CENPP: variants seen among roughly 807,000 people sequenced by gnomAD.
The protein encoded by CENPP is centromere protein P.
A neutral mutation model predicts 35.6 loss-of-function variants in CENPP; 24 were observed. The observed-to-expected ratio is 0.67, with a 90% confidence interval of 0.49 to 0.95. CENPP has a LOEUF of 0.95. CENPP is among the 40% of genes least tolerant of loss of function. The pLI is 0.00. For synonymous variants in CENPP, 120 were observed against 125.5 expected (o/e 0.96, Z 0.29); for missense variants, 332 against 345.3 (o/e 0.96, Z 0.31).
At chr9:92,530,998 GT>G (rs1848715443) in intron 5 of CENPP, among the ~76,000 whole-genome samples, 1 of 151,984 alleles carries the variant, frequency 6.6e-6, no homozygotes, top group Non-Finnish European at 1.5e-5. Context: ...CAAAATATAT[GT>G]TTTGCTGTCT....
intron 5 of CENPP, among the ~76,000 whole-genome samples, chr9:92,437,694 T>C (rs1374972183): frequency 6.6e-6 from 1 of 152,178 alleles, no homozygotes; most frequent in African/African-American, 2.4e-5. Context: ...CATGAGCCAT[T>C]GTGCCTAGGC....
chr9:92,387,053 G>GAAAA (rs903436031), intron 5 of CENPP, among the ~76,000 whole-genome samples: 44 of 50,138 alleles, frequency 8.8e-4, no homozygotes, highest in Non-Finnish European at 1.1e-3. Context: ...GTCTCAAAAA[G>GAAAA]AAAAAAAAAA....
At chr9:92,410,084 G>A (rs1310355361) in intron 5 of CENPP, among the ~76,000 whole-genome samples, 1 of 152,010 alleles carries the variant, frequency 6.6e-6, no homozygotes, top group Non-Finnish European at 1.5e-5. Flanking sequence ...CTTCAGGTGC[G>A]TACCACCGCG....
Position 92,618,940 on chromosome 9 carries a change from T to C in CENPP, c.*5791T>C. ...ATGCTGTCTAACGACTATGAGATTA[T>C]CAGTTTCATCCCGAATTCCCAGAAA... On this transcript the variant is annotated 3_prime_UTR_variant, in exon 8 of 8. Transcript: ENST00000375587. 1 of 282,972 alleles carries C rather than the reference T, an allele frequency of 3.5e-6. No individual in the cohort carries two copies. The highest frequency in any genetic ancestry group is 3.7e-5 in the South Asian group (1 of 26,732). 17.5% of individuals were successfully genotyped at this position (282,972 alleles called of 1,614,324 possible). A position where few individuals can be genotyped will look rare whatever the true frequency, so the allele number is the denominator to read the frequency against.
intron 5 of CENPP, chr9:92,417,092 A>G: frequency 1.9e-6 from 3 of 1,613,830 alleles, no homozygotes; most frequent in Non-Finnish European, 2.5e-6. Flanking sequence ...AGGAAATGGA[A>G]ATTCTTCTAA....
chr9:92,448,884 C>G (rs1157532925), intron 5 of CENPP, among the ~76,000 whole-genome samples: 2 of 152,130 alleles, frequency 1.3e-5, no homozygotes, highest in African/African-American at 2.4e-5. Context: ...TACATTTAAA[C>G]TATAGCCTAA....
At chr9:92,605,387 A>G (rs901583328) in intron 5 of CENPP, among the ~76,000 whole-genome samples, 6 of 152,058 alleles carry the variant, frequency 3.9e-5, no homozygotes, top group Non-Finnish European at 5.9e-5. Flanking sequence ...TGGATATCCA[A>G]TTGGCCCAGT....
intron 5 of CENPP, among the ~76,000 whole-genome samples, chr9:92,440,604 C>A (rs1388827415): frequency 6.6e-6 from 1 of 152,038 alleles, no homozygotes. Context: ...TGTAGTAAGA[C>A]CAAATCTCCT....
rs7020985 is a variant in CENPP at position 92,614,083 on chromosome 9, A to G, written c.*934A>G. On this transcript the variant is annotated 3_prime_UTR_variant, in exon 8 of 8. Transcript: ENST00000375587. ...ATCTGTTTTCTCTTCTCCCTCAAAT[A>G]CAGGCTGTTTTCATCGTGTCTAGTC... 5,522 of 152,242 alleles carry G rather than the reference A, an allele frequency of 0.036. 142 individuals carry two copies. Among genetic ancestry groups the G allele is most frequent in the Middle Eastern group, 0.076 (22 of 290 alleles). 9.4% of individuals were successfully genotyped at this position (152,242 alleles called of 1,614,324 possible).
chr9:92,490,967 G>A (rs559914530), intron 5 of CENPP, among the ~76,000 whole-genome samples: 2 of 152,114 alleles, frequency 1.3e-5, no homozygotes, highest in South Asian at 4.2e-4. Context: ...TCAACTCTTT[G>A]GGTAATATAA....
chr9:92,561,348 C>A (rs976892769), intron 5 of CENPP, among the ~76,000 whole-genome samples: 1 of 152,132 alleles, frequency 6.6e-6, no homozygotes, highest in Non-Finnish European at 1.5e-5. Flanking sequence ...CATGGAACTG[C>A]AGAAATGGAA....
intron 5 of CENPP, among the ~76,000 whole-genome samples, chr9:92,602,172 C>G (rs557923186): frequency 6.6e-6 from 1 of 152,108 alleles, no homozygotes; most frequent in Non-Finnish European, 1.5e-5. Flanking sequence ...TTGAGCATCA[C>G]GACCAATAGT....
In CENPP at chr9:92,448,035, G is replaced by A. The variant is rs537654763; in HGVS notation, c.564+68176G>A. 1.5e-4 allele frequency among the ~76,000 whole-genome samples: 23 copies of A among 152,266 alleles called. 1 individual carries two copies. The highest frequency in any genetic ancestry group is 5.3e-4 in the African/African-American group (22 of 41,552). On this transcript the variant is annotated intron_variant, in intron 5 of 7. Coordinates refer to ENST00000375587, the MANE Select transcript of CENPP (RefSeq NM_001012267.3). ...ATGGATGAAATTTTTAGGGAATAAA[G>A]AGAAGAGACCAAATGAAGGATATTG...
At chr9:92,407,429 C>T (rs1843335712) in intron 5 of CENPP, among the ~76,000 whole-genome samples, 1 of 152,150 alleles carries the variant, frequency 6.6e-6, no homozygotes, top group African/African-American at 2.4e-5. Context: ...TAGGCAAAGC[C>T]AAAATCTTTA....
At chr9:92,484,760 G>A (rs964191615) in intron 5 of CENPP, among the ~76,000 whole-genome samples, 5 of 152,152 alleles carry the variant, frequency 3.3e-5, no homozygotes, top group African/African-American at 1.2e-4. Flanking sequence ...CTCCTCAGTC[G>A]AGTTGCCTGC....
At chr9:92,334,321 A>T (rs1007898695) in intron 2 of CENPP, among the ~76,000 whole-genome samples, 7 of 152,094 alleles carry the variant, frequency 4.6e-5, no homozygotes, top group Non-Finnish European at 8.8e-5. Context: ...GGGTTTCCCT[A>T]CATTGGCTAG....
chr9:92,409,310 A>G (rs1843384758), intron 5 of CENPP, among the ~76,000 whole-genome samples: 1 of 152,224 alleles, frequency 6.6e-6, no homozygotes, highest in Non-Finnish European at 1.5e-5. Flanking sequence ...AAGATGTAGA[A>G]GAAATGGATT....
intron 5 of CENPP, among the ~76,000 whole-genome samples, chr9:92,481,789 A>G (rs923042776): frequency 1.3e-5 from 2 of 152,230 alleles, no homozygotes; most frequent in Non-Finnish European, 2.9e-5. Context: ...ACATTTATCA[A>G]GGAAAAAAAT....
chr9:92,558,831 A>C (rs1849782850), intron 5 of CENPP, among the ~76,000 whole-genome samples: 1 of 151,956 alleles, frequency 6.6e-6, no homozygotes, highest in Non-Finnish European at 1.5e-5. Flanking sequence ...GGATGGGGTG[A>C]GATTCCCAGG....
Sources: gnomAD v4.1 joint callset for allele counts (sites outside exome capture counted in the v4.1 genomes callset) on GRCh38, gnomAD v4.1.1 for gene constraint, MANE v1.5 for transcripts, NCBI Gene and HGNC (gene_info 2026-07-23, HGNC 2026-07-21) for gene names.